Variants in PTPRM observed in about 807,000 individuals in gnomAD.
PTPRM encodes the protein receptor-type tyrosine-protein phosphatase mu.
Under a neutral mutation model 186.7 loss-of-function variants are expected in PTPRM, and 47 were observed. That is an observed-to-expected ratio of 0.25 (90% CI 0.20 to 0.32). PTPRM has a LOEUF of 0.32. PTPRM is among the 10% of genes least tolerant of loss of function. PTPRM has a pLI of 1.00. For synonymous variants in PTPRM, 668 were observed against 674.9 expected, an observed-to-expected ratio of 0.99 and a Z score of 0.16; for missense variants, 1,494 against 1,865.0, an observed-to-expected ratio of 0.80 and a Z score of 3.66.
intron 20 of PTPRM, among the ~76,000 whole-genome samples, chr18:8,297,484 G>A (rs550081186): frequency 6.6e-6 from 1 of 152,310 alleles, no homozygotes; most frequent in African/African-American, 2.4e-5. Context: ...TCGTGTCTAT[G>A]CTGTCCCAGA....
chr18:7,770,090 TG>T (rs2042205896), intron 1 of PTPRM, among the ~76,000 whole-genome samples: 1 of 152,186 alleles, frequency 6.6e-6, no homozygotes, highest in Non-Finnish European at 1.5e-5. Flanking sequence ...CCAGTCCAGG[TG>T]TGACAGTTCT....
intron 11 of PTPRM, among the ~76,000 whole-genome samples, chr18:8,094,814 C>G (rs1441170569): frequency 6.6e-6 from 1 of 152,148 alleles, no homozygotes. Context: ...AATAATCACT[C>G]ACTTTATATA....
At chr18:7,985,243 G>A (rs1185908335) in intron 7 of PTPRM, among the ~76,000 whole-genome samples, 2 of 84,436 alleles carry the variant, frequency 2.4e-5, no homozygotes, top group African/African-American at 5.6e-5. Flanking sequence ...ACATATAATT[G>A]TATATACACA....
chr18:7,884,393 C>T (rs1372071795), intron 2 of PTPRM, among the ~76,000 whole-genome samples: 2 of 152,132 alleles, frequency 1.3e-5, no homozygotes, highest in Non-Finnish European at 2.9e-5. Context: ...TTGGCAGAGA[C>T]TTTTCCTCTA....
intron 13 of PTPRM, among the ~76,000 whole-genome samples, chr18:8,141,318 C>T (rs2146091281): frequency 6.6e-6 from 1 of 152,282 alleles, no homozygotes; most frequent in East Asian, 1.9e-4. Context: ...GTCACTGTCC[C>T]ATTTAGCGTG....
chr18:8,121,158 G>A (rs1007390909), intron 13 of PTPRM, among the ~76,000 whole-genome samples: 1 of 152,202 alleles, frequency 6.6e-6, no homozygotes, highest in Admixed American at 6.5e-5. Flanking sequence ...GTGAAAGACT[G>A]TTACACCATT....
intron 7 of PTPRM, among the ~76,000 whole-genome samples, chr18:8,051,542 G>A (rs567103082): frequency 5.3e-5 from 8 of 152,084 alleles, no homozygotes; most frequent in Admixed American, 2.0e-4. Context: ...TATCGCATAC[G>A]TATGTATTCT....
chr18:8,130,740 CTG>C (rs1399898841), intron 13 of PTPRM, among the ~76,000 whole-genome samples: 6 of 152,186 alleles, frequency 3.9e-5, no homozygotes, highest in Non-Finnish European at 7.3e-5. Flanking sequence ...AGTCCCCTAA[CTG>C]TGATTTTAAA....
chr18:7,783,380 A>G (rs1892393865), intron 2 of PTPRM, among the ~76,000 whole-genome samples: 2 of 152,146 alleles, frequency 1.3e-5, no homozygotes, highest in South Asian at 2.1e-4. Context: ...GAGTCAAGAA[A>G]GGGACAATGA....
At chr18:7,771,155 C>T (rs996500815) in intron 1 of PTPRM, among the ~76,000 whole-genome samples, 1 of 152,142 alleles carries the variant, frequency 6.6e-6, no homozygotes, top group Admixed American at 6.6e-5. Flanking sequence ...TAAACCGGGT[C>T]TGTAGCCAGC....
chr18:7,773,580 T>G (rs796545426), intron 1 of PTPRM, among the ~76,000 whole-genome samples: 1 of 138,482 alleles, frequency 7.2e-6, no homozygotes, highest in Non-Finnish European at 1.5e-5. Flanking sequence ...GTTTTTTTTT[T>G]TTTTTTTTGT....
intron 14 of PTPRM, among the ~76,000 whole-genome samples, chr18:8,210,501 G>C (rs1179645507): frequency 6.6e-6 from 1 of 152,172 alleles, no homozygotes; most frequent in Non-Finnish European, 1.5e-5. Context: ...GAGAGGGCAT[G>C]GCTCTACCTG....
chr18:7,597,142 G>A (rs1369193701), intron 1 of PTPRM, among the ~76,000 whole-genome samples: 1 of 152,182 alleles, frequency 6.6e-6, no homozygotes, highest in Admixed American at 6.5e-5. Context: ...GAGCCACTGT[G>A]CCAGCCTTCG....
At chr18:7,649,983 A>G (rs1337961934) in intron 1 of PTPRM, among the ~76,000 whole-genome samples, 1 of 152,224 alleles carries the variant, frequency 6.6e-6, no homozygotes, top group Non-Finnish European at 1.5e-5. Flanking sequence ...AAAATACAGT[A>G]TAGTGTAAAC....
chr18:7,883,107 C>A (rs2048589927), intron 2 of PTPRM, among the ~76,000 whole-genome samples: 1 of 152,150 alleles, frequency 6.6e-6, no homozygotes, highest in South Asian at 2.1e-4. Context: ...CATTTGCCTG[C>A]AATGGTATAT....
At chr18:8,214,451 A>C (rs1190440073) in intron 14 of PTPRM, among the ~76,000 whole-genome samples, 3 of 152,154 alleles carry the variant, frequency 2.0e-5, no homozygotes, top group African/African-American at 7.2e-5. Context: ...AATTCTTTTA[A>C]AAAGTTTAGT....
At position 8,256,628 on chromosome 18, in the gene PTPRM, A is replaced by G. The variant is rs1214900782; in HGVS notation, c.2754+3214A>G. On this transcript the variant is annotated intron_variant, in intron 19 of 32. Coordinates refer to ENST00000580170, the MANE Select transcript of PTPRM (RefSeq NM_001105244.2). Reference sequence around the variant, plus strand: ...GCAGTCTGAGGATAGAGTGAGCCACATGTTATGGAAAGGGGTTATACTTTT... The same window carrying G: ...GCAGTCTGAGGATAGAGTGAGCCACGTGTTATGGAAAGGGGTTATACTTTT... 6.6e-5 allele frequency among the ~76,000 whole-genome samples: 10 copies of G among 152,106 alleles called. No homozygotes were observed. The East Asian group carries it at 1.9e-3, about 29-fold the overall frequency.
intron 7 of PTPRM, among the ~76,000 whole-genome samples, chr18:8,033,430 T>C (rs34398246): frequency 0.65 from 98,916 of 152,024 alleles, 32,463 homozygotes; most frequent in African/African-American, 0.73. Context: ...CACCATTTCA[T>C]GGTTGTGCAA....
In PTPRM at chr18:8,252,484, A is replaced by C; in HGVS notation, c.2555-4A>C. ...TTTTCTCCTGATATGTATCTTCTTAAAAGTGCCAATAAATGGTAAGTTCCC... is the reference window on the plus strand; with the variant it reads ...TTTTCTCCTGATATGTATCTTCTTACAAGTGCCAATAAATGGTAAGTTCCC... On this transcript the variant is annotated splice_polypyrimidine_tract_variant and splice_region_variant and intron_variant, in intron 17 of 32. Transcript: ENST00000580170. 1 of 1,545,760 alleles carries C rather than the reference A, an allele frequency of 6.5e-7. No individual in the cohort carries two copies. Among genetic ancestry groups the C allele is most frequent in the Non-Finnish European group, 8.9e-7 (1 of 1,117,802 alleles).
Sources: allele counts gnomAD v4.1 joint callset (sites outside exome capture counted in the v4.1 genomes callset), GRCh38; gene constraint gnomAD v4.1.1; transcripts MANE v1.5; gene names NCBI Gene and HGNC (gene_info 2026-07-23, HGNC 2026-07-21).